TLK1: variants seen among roughly 807,000 people sequenced by gnomAD.
TLK1 encodes serine/threonine-protein kinase tousled-like 1.
TLK1 carries 24 observed loss-of-function variants against 105.3 expected under a neutral mutation model. That is an observed-to-expected ratio of 0.23 (90% CI 0.17 to 0.32). The LOEUF (loss-of-function observed/expected upper bound fraction) is 0.32, where lower values mean the gene tolerates loss of function less well. Ranked by LOEUF, TLK1 falls within the 10% of genes least tolerant of loss-of-function variation. The pLI, the probability that TLK1 is intolerant of heterozygous loss-of-function variation, is 1.00. For missense variants in TLK1, 558 were observed against 910.5 expected (o/e 0.61, Z 4.98); for synonymous variants, 321 against 310.4 (o/e 1.03, Z -0.36).
At chr2:171,170,229 T>C (rs1172265885) in intron 1 of TLK1, among the ~76,000 whole-genome samples, 2 of 152,172 alleles carry the variant, frequency 1.3e-5, no homozygotes, top group African/African-American at 4.8e-5. Flanking sequence ...TAGGTAAATA[T>C]GTAGTAAGCA....
rs1405539515 is a variant in TLK1, at chr2:171,049,863, A to C, written c.931T>G (p.Ser311Ala). 6.2e-7 allele frequency: 1 copy of C among 1,614,012 alleles called. No homozygotes were observed. The highest frequency in any genetic ancestry group is 2.2e-5 in the East Asian group (1 of 44,848). Residue 311 changes from serine (S) to alanine (A), a missense_variant, in exon 10 of 21, where the codon TCA (serine) becomes GCA (alanine). Physicochemically the swap from Ser to Ala is moderately conservative, Grantham distance 99 (BLOSUM62 1). Coordinates refer to ENST00000431350, the MANE Select transcript of TLK1 (RefSeq NM_012290.5). Reference protein sequence around the residue: ...GHFTTVRHGASFTEQWTDGFA... With the variant: ...GHFTTVRHGAAFTEQWTDGFA... ...CCATCTGTCCATTGTTCAGTAAATG[A>C]AGCGCCATGTCTAACTGTTGTAAAG... is the stretch of plus-strand genomic sequence containing the variant.
chr2:171,224,490 T>C (rs930581891), intron 1 of TLK1, among the ~76,000 whole-genome samples: 11 of 152,186 alleles, frequency 7.2e-5, no homozygotes, highest in East Asian at 1.9e-4. Flanking sequence ...AGGGATTGCA[T>C]TGAAACTTTA....
chr2:171,011,550 T>G (rs1322034448), intron 13 of TLK1, 96 bp from the exon 14 acceptor site: 1 of 992,696 alleles, frequency 1.0e-6, no homozygotes. Flanking sequence ...TCCTAGCTAT[T>G]TATTTCTCAG....
At chr2:171,089,435 T>C (rs938360524) in intron 2 of TLK1, among the ~76,000 whole-genome samples, 1 of 152,350 alleles carries the variant, frequency 6.6e-6, no homozygotes, top group South Asian at 2.1e-4. Flanking sequence ...TTACTTGAAA[T>C]TGATTTTTCT....
chr2:171,049,625 G>A (rs978213279), intron 10 of TLK1, among the ~76,000 whole-genome samples, 189 bp downstream of exon 10: 2 of 152,126 alleles, frequency 1.3e-5, no homozygotes, highest in Non-Finnish European at 2.9e-5. Context: ...ATAGATGACT[G>A]CTAATTAATC....
chr2:171,006,673 A>G (rs765106716), intron 16 of TLK1, 30 bp from the exon 17 acceptor site: 69 of 1,609,732 alleles, frequency 4.3e-5, no homozygotes, highest in Middle Eastern at 1.6e-4. Flanking sequence ...AAAATTAGAC[A>G]TAAGTAATAT....
chr2:171,057,399 A>G (rs1029692267), intron 5 of TLK1, among the ~76,000 whole-genome samples: 41 of 152,152 alleles, frequency 2.7e-4, no homozygotes, highest in African/African-American at 9.9e-4. Context: ...AATTTAGCAC[A>G]TAGTAGGCAT....
chr2:171,172,262 A>T (rs1319807872), intron 1 of TLK1, among the ~76,000 whole-genome samples: 1 of 152,140 alleles, frequency 6.6e-6, no homozygotes, highest in African/African-American at 2.4e-5. Flanking sequence ...CCTTGAGAGG[A>T]TAGGAGGGAG....
In TLK1 at chr2:170,991,337, T is replaced by C. The variant is rs1683773401; in HGVS notation, c.*2443A>G. ...GACTGTCAGAGTGACCTTGAAATCA[T>C]TTAGCAATAGATACCAACTTTCCAT... is the stretch of plus-strand genomic sequence containing the variant. On this transcript the variant is annotated 3_prime_UTR_variant, in exon 21 of 21. Coordinates refer to ENST00000431350, the MANE Select transcript of TLK1 (RefSeq NM_012290.5). The C allele has an allele frequency of 6.6e-6, 1 of 152,130 alleles. No individual in the cohort carries two copies. The allele number at this position is 152,130 out of a possible 1,614,324, so 9.4% of individuals were successfully genotyped here.
chr2:171,071,699 C>T (rs2105461840), intron 3 of TLK1, among the ~76,000 whole-genome samples: 1 of 152,260 alleles, frequency 6.6e-6, no homozygotes, highest in East Asian at 1.9e-4. Context: ...ATAGTAGTTT[C>T]ACAGTTTGAG....
chr2:171,023,762 G>C lies in TLK1; in HGVS notation c.1236+4577C>G, dbSNP rs762769273. On this transcript the variant is annotated intron_variant, in intron 12 of 20. Coordinates refer to ENST00000431350, the MANE Select transcript of TLK1 (RefSeq NM_012290.5). ...CAAGGAAGTTGATTTTGCAGGGATT[G>C]TATTTTTAGTTTTATGTGTTAATTT... 4.7e-4 allele frequency among the ~76,000 whole-genome samples: 72 copies of C among 152,128 alleles called. 1 individual carries two copies. Among genetic ancestry groups the C allele is most frequent in the Non-Finnish European group, 5.9e-4 (40 of 68,010 alleles).
chr2:171,140,344 C>T (rs13018785), intron 1 of TLK1, among the ~76,000 whole-genome samples: 1 of 152,224 alleles, frequency 6.6e-6, no homozygotes, highest in African/African-American at 2.4e-5. Flanking sequence ...AACTCTACTT[C>T]TAGAGATCAG....
chr2:171,123,063 C>T (rs1344739690), intron 1 of TLK1, among the ~76,000 whole-genome samples: 5 of 150,224 alleles, frequency 3.3e-5, no homozygotes, highest in Non-Finnish European at 5.9e-5. Flanking sequence ...TAAATACACA[C>T]ACACACACAC....
chr2:171,044,537 C>G (rs1575546321), intron 11 of TLK1, among the ~76,000 whole-genome samples: 2 of 152,266 alleles, frequency 1.3e-5, no homozygotes, highest in Middle Eastern at 6.8e-3. Flanking sequence ...ATATTCAAGA[C>G]TGAGACAGAA....
At chr2:171,201,174 G>A (rs1301443590) in intron 1 of TLK1, among the ~76,000 whole-genome samples, 2 of 152,018 alleles carry the variant, frequency 1.3e-5, no homozygotes, top group African/African-American at 2.4e-5. Context: ...GTGAGCCACC[G>A]CACCCGGCCT....
intron 2 of TLK1, among the ~76,000 whole-genome samples, chr2:171,097,363 A>T (rs1027686391): frequency 1.6e-4 from 24 of 152,228 alleles, no homozygotes; most frequent in Non-Finnish European, 2.2e-4. Flanking sequence ...TGAAATTTTT[A>T]AAATATTAGA....
chr2:171,093,017 G>C (rs1433627676), intron 2 of TLK1, among the ~76,000 whole-genome samples: 1 of 152,120 alleles, frequency 6.6e-6, no homozygotes, highest in Non-Finnish European at 1.5e-5. Context: ...AACTCTAAAT[G>C]CAATTCAAAA....
intron 1 of TLK1, among the ~76,000 whole-genome samples, chr2:171,137,744 G>T (rs1691387760): frequency 6.6e-6 from 1 of 152,016 alleles, no homozygotes; most frequent in Admixed American, 6.5e-5. Context: ...AGCTACTCGG[G>T]AGGCTGAGGC....
chr2:171,213,879 T>C (rs1693665265), intron 1 of TLK1, among the ~76,000 whole-genome samples: 1 of 148,094 alleles, frequency 6.8e-6, no homozygotes, highest in South Asian at 2.3e-4. Context: ...CATGCCACCA[T>C]GCCCAGCAAT....
Sources: gnomAD v4.1 joint callset for allele counts (sites outside exome capture counted in the v4.1 genomes callset) on GRCh38, gnomAD v4.1.1 for gene constraint, MANE v1.5 for transcripts, NCBI Gene and HGNC (gene_info 2026-07-23, HGNC 2026-07-21) for gene names.